The following DNAJC15 variants were observed in gnomAD, a reference collection of about 807,000 sequenced individuals.
DNAJC15 encodes the protein DnaJ heat shock protein family (Hsp40) member C15, also known as dnaJ homolog subfamily C member 15.
In DNAJC15, 27 loss-of-function variants were observed where a neutral mutation model predicts 22.4. The ratio of observed to expected loss-of-function variants is 1.20; its 90% confidence interval spans 0.89 to 1.66. DNAJC15 has a LOEUF of 1.66. Ranked by LOEUF, DNAJC15 falls within the 40% of genes most tolerant of loss-of-function variation. DNAJC15 has a pLI of 0.00. For synonymous variants in DNAJC15, 79 were observed against 63.2 expected, an observed-to-expected ratio of 1.25 and a Z score of -1.19; for missense variants, 208 against 187.1, an observed-to-expected ratio of 1.11 and a Z score of -0.65.
chr13:43,107,287 C>G lies in DNAJC15; in HGVS notation c.*39C>G. The G allele has an allele frequency of 7.2e-7, 1 of 1,388,758 alleles. No individual in the cohort carries two copies. Among genetic ancestry groups the G allele is most frequent in the Non-Finnish European group, 9.5e-7 (1 of 1,047,456 alleles). 86.0% of individuals were successfully genotyped at this position (1,388,758 alleles called of 1,614,324 possible). On this transcript the variant is annotated 3_prime_UTR_variant, in exon 6 of 6. Coordinates refer to ENST00000379221, the MANE Select transcript of DNAJC15 (RefSeq NM_013238.3). Reference sequence around the variant, plus strand: ...CACTGAAGGAAAAAAAAAGAGGGGACTTCGAAAAAAAAAAAAGCCCTGCAA... The same window carrying G: ...CACTGAAGGAAAAAAAAAGAGGGGAGTTCGAAAAAAAAAAAAGCCCTGCAA...
At chr13:43,048,285 G>T (rs1275956961) in intron 1 of DNAJC15, among the ~76,000 whole-genome samples, 1 of 148,582 alleles carries the variant, frequency 6.7e-6, no homozygotes, top group Non-Finnish European at 1.5e-5. Context: ...TTCAAGACCA[G>T]CCTGACCAAA....
At position 43,109,443 on chromosome 13, in the gene DNAJC15, C is replaced by G. The variant is rs1217525033; in HGVS notation, c.*2195C>G. 1 of 152,160 alleles carries G rather than the reference C, an allele frequency of 6.6e-6. No homozygotes were observed. The highest frequency in any genetic ancestry group is 6.6e-5 in the Admixed American group (1 of 15,264). 9.4% of individuals were successfully genotyped at this position (152,160 alleles called of 1,614,324 possible). On this transcript the variant is annotated 3_prime_UTR_variant, in exon 6 of 6. Coordinates refer to ENST00000379221, the MANE Select transcript of DNAJC15 (RefSeq NM_013238.3). ...AATGTTACCACTAATTTTTAAAGCT[C>G]TGCTAAGGAATATTGGGGCACCCTC... is the stretch of plus-strand genomic sequence containing the variant.
chr13:43,072,349 T>A (rs1188945089), intron 3 of DNAJC15, among the ~76,000 whole-genome samples: 5 of 152,148 alleles, frequency 3.3e-5, no homozygotes, highest in Admixed American at 2.6e-4. Context: ...TTTCATTGTC[T>A]CTCTTTTCTG....
intron 1 of DNAJC15, among the ~76,000 whole-genome samples, chr13:43,045,750 T>C (rs189787619): frequency 2.6e-4 from 39 of 152,310 alleles, no homozygotes; most frequent in Middle Eastern, 6.8e-3. Flanking sequence ...GAGTATAAAA[T>C]ATAAAACAAT....
At chr13:43,051,285 T>A (rs1185576064) in intron 1 of DNAJC15, among the ~76,000 whole-genome samples, 1 of 152,186 alleles carries the variant, frequency 6.6e-6, no homozygotes, top group Non-Finnish European at 1.5e-5. Flanking sequence ...GCTATTTTAT[T>A]TTTTATTTCA....
chr13:43,091,347 C>G (rs982782557), intron 5 of DNAJC15, among the ~76,000 whole-genome samples: 1 of 152,240 alleles, frequency 6.6e-6, no homozygotes, highest in African/African-American at 2.4e-5. Context: ...CTTGGCCTCC[C>G]AAAGTGCTGG....
At chr13:43,074,229 G>C (rs2040622243) in intron 3 of DNAJC15, among the ~76,000 whole-genome samples, 1 of 152,136 alleles carries the variant, frequency 6.6e-6, no homozygotes, top group African/African-American at 2.4e-5. Flanking sequence ...AGGCTATTGA[G>C]TGAATGAATT....
chr13:43,088,819 G>C (rs966417065), intron 5 of DNAJC15, among the ~76,000 whole-genome samples: 7 of 144,648 alleles, frequency 4.8e-5, no homozygotes, highest in Non-Finnish European at 9.0e-5. Flanking sequence ...ACTAAGAAAA[G>C]GTGATGCCTA....
intron 1 of DNAJC15, among the ~76,000 whole-genome samples, chr13:43,054,363 C>G (rs546159093): frequency 6.6e-6 from 1 of 152,074 alleles, no homozygotes; most frequent in South Asian, 2.1e-4. Flanking sequence ...TATAGGTGTT[C>G]ATTTTGTTGT....
intron 5 of DNAJC15, among the ~76,000 whole-genome samples, chr13:43,091,932 TG>T (rs1219562397): frequency 2.0e-5 from 3 of 152,202 alleles, no homozygotes; most frequent in East Asian, 1.9e-4. Flanking sequence ...TGGTCAATTT[TG>T]GGAAAAATTT....
intron 1 of DNAJC15, among the ~76,000 whole-genome samples, chr13:43,058,145 T>G (rs2040540501): frequency 6.6e-6 from 1 of 152,180 alleles, no homozygotes; most frequent in Non-Finnish European, 1.5e-5. Context: ...TGGAAATAGC[T>G]GTTTTCTTTT....
chr13:43,024,456 G>A (rs1566197299), intron 1 of DNAJC15, among the ~76,000 whole-genome samples: 2 of 144,082 alleles, frequency 1.4e-5, no homozygotes, highest in Admixed American at 7.6e-5. Flanking sequence ...CCATTCTCCT[G>A]CCTCAGCCTC....
At chr13:43,093,451 C>T (rs2040724715) in intron 5 of DNAJC15, among the ~76,000 whole-genome samples, 1 of 152,088 alleles carries the variant, frequency 6.6e-6, no homozygotes, top group African/African-American at 2.4e-5. Context: ...TGTTCCATTG[C>T]CCAGGCTAGA....
intron 5 of DNAJC15, among the ~76,000 whole-genome samples, chr13:43,091,819 AT>A (rs1566215508): frequency 1.3e-5 from 2 of 151,890 alleles, no homozygotes; most frequent in African/African-American, 4.8e-5. Flanking sequence ...GCATTCCCTC[AT>A]TTTTTAACAA....
intron 1 of DNAJC15, among the ~76,000 whole-genome samples, chr13:43,036,011 G>A (rs1256184269): frequency 6.6e-6 from 1 of 152,116 alleles, no homozygotes; most frequent in Non-Finnish European, 1.5e-5. Flanking sequence ...ACATGTGTAA[G>A]CCACTGTGCC....
At chr13:43,089,269 C>CAT (rs911939024) in intron 5 of DNAJC15, among the ~76,000 whole-genome samples, 2 of 152,210 alleles carry the variant, frequency 1.3e-5, no homozygotes, top group African/African-American at 4.8e-5. Flanking sequence ...ATGTGCCAGG[C>CAT]ATTGTGCTAA....
intron 1 of DNAJC15, among the ~76,000 whole-genome samples, chr13:43,039,587 T>A (rs2040443830): frequency 6.6e-6 from 1 of 152,236 alleles, no homozygotes; most frequent in South Asian, 2.1e-4. Flanking sequence ...TTCAGGACTT[T>A]AGAAATTCAT....
chr13:43,050,789 T>G (rs536076498), intron 1 of DNAJC15, among the ~76,000 whole-genome samples: 1 of 152,338 alleles, frequency 6.6e-6, no homozygotes, highest in East Asian at 1.9e-4. Flanking sequence ...AGCCTTGATT[T>G]GAAATTGAAT....
intron 1 of DNAJC15, among the ~76,000 whole-genome samples, chr13:43,041,842 G>T (rs1428827433): frequency 2.0e-5 from 3 of 152,234 alleles, no homozygotes; most frequent in African/African-American, 7.2e-5. Context: ...TATATACCGG[G>T]AATACAAAGG....
Sources: gnomAD v4.1 joint callset for allele counts (sites outside exome capture counted in the v4.1 genomes callset) on GRCh38, gnomAD v4.1.1 for gene constraint, MANE v1.5 for transcripts, NCBI Gene and HGNC (gene_info 2026-07-23, HGNC 2026-07-21) for gene names.